The following LAMC1 variants were observed in gnomAD, a reference collection of about 807,000 sequenced individuals.
The protein encoded by LAMC1 is laminin subunit gamma 1, also known as laminin subunit gamma-1.
LAMC1 carries 38 observed loss-of-function variants against 173.6 expected under a neutral mutation model. The ratio of observed to expected loss-of-function variants is 0.22; its 90% CI spans 0.17 to 0.29. The LOEUF (loss-of-function observed/expected upper bound fraction) is 0.29. Among genes scored for constraint, LAMC1 ranks in the 10% least tolerant of loss-of-function variants. LAMC1 has a pLI of 1.00. For missense variants in LAMC1, 1,824 were observed against 2,051.8 expected, an observed-to-expected ratio of 0.89 and a Z score of 2.14; for synonymous variants, 746 against 749.1, an observed-to-expected ratio of 1.00 and a Z score of 0.07.
rs185410485 is a variant in LAMC1 at position 183,125,058 on chromosome 1, G to A, written c.2647+182G>A. 3.5e-3 allele frequency: 2,433 copies of A among 693,700 alleles called. 11 individuals carry two copies. The highest frequency in any genetic ancestry group is 4.7e-3 in the Non-Finnish European group (2,031 of 427,756). 43.0% of individuals were successfully genotyped at this position (693,700 alleles called of 1,614,324 possible). A position where few individuals can be genotyped will look rare whatever the true frequency, so the allele number is the denominator to read the frequency against. On this transcript the variant is annotated intron_variant, in intron 14 of 27. Transcript: ENST00000258341. Reference sequence around the variant, plus strand: ...AGTATAAAGAAGGACAGTCATGGTGGCTGACACCTGTGGTCCTGTAAAAAG... The same window carrying A: ...AGTATAAAGAAGGACAGTCATGGTGACTGACACCTGTGGTCCTGTAAAAAG...
rs375590698 is a variant in LAMC1, at chr1:183,133,512, G to A, written c.3811G>A (p.Val1271Met). Residue 1271 changes from valine (V) to methionine (M), a missense_variant, in exon 22 of 28, where the codon GTG (valine) becomes ATG (methionine). Val to Met is a conservative substitution (Grantham distance 21). Transcript: ENST00000258341. ...GDKAVEIYAS[V>M]AQLSPLDSET... ...CAAAGCTGTGGAGATCTATGCCAGCGTGGCTCAGCTGAGCCCTTTGGACTC... is the reference window on the plus strand; with the variant it reads ...CAAAGCTGTGGAGATCTATGCCAGCATGGCTCAGCTGAGCCCTTTGGACTC... The A allele has an allele frequency of 4.9e-5, 79 of 1,613,938 alleles. No individual in the cohort carries two copies. Among genetic ancestry groups the A allele is most frequent in the African/African-American group, 6.7e-5 (5 of 75,058 alleles).
chr1:183,072,951 C>T (rs1433891123), intron 1 of LAMC1, among the ~76,000 whole-genome samples: 1 of 152,160 alleles, frequency 6.6e-6, no homozygotes. Flanking sequence ...CCCACTGATT[C>T]TACTTTATGG....
intron 26 of LAMC1, chr1:183,138,251 C>T: frequency 3.2e-6 from 3 of 930,744 alleles, no homozygotes; most frequent in East Asian, 1.2e-4. Flanking sequence ...GCATTGTCTA[C>T]CACCCCACCA....
intron 1 of LAMC1, among the ~76,000 whole-genome samples, chr1:183,036,767 T>TTTTTG (rs754201393): frequency 4.2e-5 from 5 of 119,374 alleles, no homozygotes; most frequent in Admixed American, 2.0e-4. Context: ...TTGTTTTCTT[T>TTTTTG]TTTTGTTTTG....
intron 13 of LAMC1, among the ~76,000 whole-genome samples, chr1:183,123,044 C>A (rs1040537704): frequency 1.3e-5 from 2 of 152,210 alleles, no homozygotes; most frequent in African/African-American, 4.8e-5. Context: ...CAAAGGAACT[C>A]AAATTTAAAC....
intron 15 of LAMC1, 91 bp downstream of exon 15, chr1:183,125,641 C>G: frequency 2.0e-6 from 2 of 988,452 alleles, no homozygotes; most frequent in Non-Finnish European, 3.0e-6. Flanking sequence ...ATTGACTGTT[C>G]AGAAATTACT....
At chr1:183,102,585 T>C in intron 1 of LAMC1, among the ~76,000 whole-genome samples, 1 of 152,246 alleles carries the variant, frequency 6.6e-6, no homozygotes, top group East Asian at 1.9e-4. Context: ...ACTCTGGCTT[T>C]TGCAGGGAAC....
At chr1:183,131,165 A>G (rs1656773422) in intron 19 of LAMC1, 134 bp from the exon 20 acceptor site, 1 of 590,950 alleles carries the variant, frequency 1.7e-6, no homozygotes, top group Non-Finnish European at 2.9e-6. Flanking sequence ...CAAGAGTGAA[A>G]CTATCTCAAA....
chr1:183,064,964 A>G (rs1004088173), intron 1 of LAMC1, among the ~76,000 whole-genome samples: 42 of 152,174 alleles, frequency 2.8e-4, no homozygotes, highest in African/African-American at 9.9e-4. Context: ...TAGACATGCC[A>G]GTTAACCTAA....
At chr1:183,130,818 A>G (rs1656762535) in intron 19 of LAMC1, among the ~76,000 whole-genome samples, 1 of 152,174 alleles carries the variant, frequency 6.6e-6, no homozygotes, top group Non-Finnish European at 1.5e-5. Flanking sequence ...TTTATCCTTT[A>G]CTGAAAATAG....
chr1:183,130,523 A>G lies in LAMC1; in HGVS notation c.3460A>G (p.Lys1154Glu), dbSNP rs774006873. The G allele has an allele frequency of 3.1e-5, 50 of 1,614,108 alleles. No individual in the cohort carries two copies. Among genetic ancestry groups the G allele is most frequent in the South Asian group, 2.2e-4 (20 of 91,084 alleles). Residue 1154 changes from lysine (K) to glutamate (E), a missense_variant, in exon 19 of 28, where the codon AAA (lysine) becomes GAA (glutamate). Coordinates refer to ENST00000258341, the MANE Select transcript of LAMC1 (RefSeq NM_002293.4). ...TGAAATCGCATCCAGAGAACTTGAG[A>G]AAGCAAAAGTCGCTGCTGCCAATGT... Reference protein sequence around the residue: ...LIEIASRELEKAKVAAANVSV... With the variant: ...LIEIASRELEEAKVAAANVSV...
intron 17 of LAMC1, 91 bp from the exon 18 acceptor site, chr1:183,128,503 A>C: frequency 4.3e-6 from 4 of 929,488 alleles, no homozygotes; most frequent in Non-Finnish European, 6.3e-6. Context: ...ATATTCATGG[A>C]GTGCCCATGA....
chr1:183,115,504 G>A lies in LAMC1; in HGVS notation c.1211-16G>A. ...TGGCCGAATTTTTGTTTGACAATAG[G>A]CATTTTACATTTTAGGCTCTCTAAG... On this transcript the variant is annotated splice_polypyrimidine_tract_variant and intron_variant, in intron 5 of 27. Coordinates refer to ENST00000258341, the MANE Select transcript of LAMC1 (RefSeq NM_002293.4). The A allele has an allele frequency of 1.3e-6, 2 of 1,569,046 alleles. No individual in the cohort carries two copies. Among genetic ancestry groups the A allele is most frequent in the African/African-American group, 1.4e-5 (1 of 74,060 alleles).
chr1:183,062,609 C>G (rs576412676), intron 1 of LAMC1, among the ~76,000 whole-genome samples: 1 of 152,092 alleles, frequency 6.6e-6, no homozygotes, highest in Non-Finnish European at 1.5e-5. Flanking sequence ...TGCACCACTA[C>G]GCTCCAGCCT....
chr1:183,137,539 G>A (rs370435273), intron 25 of LAMC1, 130 bp from the exon 26 acceptor site: 1 of 512,530 alleles, frequency 2.0e-6, no homozygotes. Context: ...TCATGAGATA[G>A]TATAAATCAA....
At chr1:183,072,792 T>C (rs1655040964) in intron 1 of LAMC1, among the ~76,000 whole-genome samples, 1 of 152,214 alleles carries the variant, frequency 6.6e-6, no homozygotes, top group African/African-American at 2.4e-5. Context: ...CATTAGATTC[T>C]CATAGGAGCA....
intron 1 of LAMC1, among the ~76,000 whole-genome samples, chr1:183,100,190 C>G (rs1571439411): frequency 1.3e-5 from 2 of 152,250 alleles, no homozygotes; most frequent in Middle Eastern, 6.8e-3. Flanking sequence ...CATTTCTCTC[C>G]ATTCCTCTGT....
intron 1 of LAMC1, among the ~76,000 whole-genome samples, chr1:183,060,399 A>G (rs529776868): frequency 1.3e-5 from 2 of 151,934 alleles, no homozygotes; most frequent in African/African-American, 2.4e-5. Context: ...AAAAGAAAAA[A>G]AAAAAAAAAG....
In LAMC1 at chr1:183,130,442, A is replaced by C. The variant is rs147594447; in HGVS notation, c.3379A>C (p.Thr1127Pro). 3.3e-5 allele frequency: 53 copies of C among 1,614,012 alleles called. No individual in the cohort carries two copies. Among genetic ancestry groups the C allele is most frequent in the Non-Finnish European group, 4.4e-5 (52 of 1,179,994 alleles). Residue 1127 changes from threonine (T) to proline (P), a missense_variant, in exon 19 of 28, where the codon ACT becomes CCT. By Grantham distance (38) the Thr-to-Pro change is conservative. Coordinates refer to ENST00000258341, the MANE Select transcript of LAMC1 (RefSeq NM_002293.4). ...GAATATCCGGAATACCATTGAAGAG[A>C]CTGGAAACTTGGCTGAACAAGCGCG... is the stretch of plus-strand genomic sequence containing the variant. ...LQNIRNTIEE[T>P]GNLAEQARAH...
Sources: gnomAD v4.1 joint callset for allele counts (sites outside exome capture counted in the v4.1 genomes callset) on GRCh38, gnomAD v4.1.1 for gene constraint, MANE v1.5 for transcripts, NCBI Gene and HGNC (gene_info 2026-07-23, HGNC 2026-07-21) for gene names.